The following SERPINB7 variants were observed in gnomAD, a reference collection of about 807,000 sequenced individuals.
The protein encoded by SERPINB7 is serpin B7.
Under a neutral mutation model 37.4 loss-of-function variants are expected in SERPINB7, and 31 were observed. That is an observed-to-expected ratio of 0.83 (90% CI 0.62 to 1.12). The LOEUF is 1.12. Ranked by LOEUF, SERPINB7 falls within the 50% of genes most tolerant of loss-of-function variation. The probability of loss-of-function intolerance (pLI) is 0.00; values close to 1 mark genes in which losing one functional copy is unlikely to be tolerated. For missense variants in SERPINB7, 521 were observed against 455.3 expected, an observed-to-expected ratio of 1.14 and a Z score of -1.31; for synonymous variants, 163 against 166.1, an observed-to-expected ratio of 0.98 and a Z score of 0.14.
chr18:63,776,822 T>C (rs1404878867), intron 1 of SERPINB7, among the ~76,000 whole-genome samples: 1 of 151,942 alleles, frequency 6.6e-6, no homozygotes, highest in Admixed American at 6.6e-5. Context: ...TTAATAATTA[T>C]CAAATTTGCT....
At chr18:63,795,902 C>A (rs1289565469) in intron 4 of SERPINB7, among the ~76,000 whole-genome samples, 1 of 152,094 alleles carries the variant, frequency 6.6e-6, no homozygotes, top group African/African-American at 2.4e-5. Context: ...ATAATGTAGC[C>A]TTGAAAAATT....
At chr18:63,754,472 C>G (rs941808945) in intron 1 of SERPINB7, among the ~76,000 whole-genome samples, 1 of 152,066 alleles carries the variant, frequency 6.6e-6, no homozygotes, top group African/African-American at 2.4e-5. Context: ...AACAGATAAT[C>G]ATAAGAGGCA....
chr18:63,782,530 A>G lies in SERPINB7; in HGVS notation c.158A>G (p.Gln53Arg), dbSNP rs771759857. Residue 53 changes from glutamine to arginine, a missense_variant, in exon 2 of 8, where the codon CAG (glutamine) becomes CGG (arginine). Coordinates refer to ENST00000398019, the MANE Select transcript of SERPINB7 (RefSeq NM_003784.4). ...GGCGCTCAAGATGACTCCCTCTCTC[A>G]GATTGATAAGGTCAGTCTCAGCTTT... ...RLGAQDDSLS[Q>R]IDKLLHVNTA... 1.2e-6 allele frequency: 2 copies of G among 1,611,956 alleles called. No homozygotes were observed. Among genetic ancestry groups the G allele is most frequent in the East Asian group, 4.5e-5 (2 of 44,828 alleles).
chr18:63,803,286 A>T (rs1004208839), intron 7 of SERPINB7, among the ~76,000 whole-genome samples: 3 of 152,142 alleles, frequency 2.0e-5, no homozygotes, highest in Non-Finnish European at 4.4e-5. Context: ...TTACAGATTA[A>T]CCACAAAACT....
At chr18:63,760,849 G>A (rs1036456394) in intron 1 of SERPINB7, among the ~76,000 whole-genome samples, 1 of 152,274 alleles carries the variant, frequency 6.6e-6, no homozygotes, top group Admixed American at 6.5e-5. Flanking sequence ...TTCAGAAGAT[G>A]TATAGAAATT....
At chr18:63,761,113 A>C (rs930856792) in intron 1 of SERPINB7, among the ~76,000 whole-genome samples, 1 of 152,236 alleles carries the variant, frequency 6.6e-6, no homozygotes, top group African/African-American at 2.4e-5. Context: ...GCTGGGAGGC[A>C]GGCTGTATCC....
At chr18:63,798,996 A>G (rs1269330828) in intron 6 of SERPINB7, among the ~76,000 whole-genome samples, 1 of 152,226 alleles carries the variant, frequency 6.6e-6, no homozygotes, top group Non-Finnish European at 1.5e-5. Flanking sequence ...AATTGAAAGA[A>G]GTGGTATGAA....
upstream of SERPINB7, among the ~76,000 whole-genome samples, chr18:63,774,794 G>A (rs996958777): frequency 9.9e-5 from 15 of 152,040 alleles, no homozygotes; most frequent in African/African-American, 3.6e-4. Flanking sequence ...ATTTAGAGAA[G>A]CCAGTTGCAA....
chr18:63,781,846 A>C (rs1459497183), intron 1 of SERPINB7, among the ~76,000 whole-genome samples: 1 of 152,250 alleles, frequency 6.6e-6, no homozygotes, highest in African/African-American at 2.4e-5. Flanking sequence ...ACTTAAAATT[A>C]GGACAGTTTT....
intron 2 of SERPINB7, among the ~76,000 whole-genome samples, chr18:63,783,581 G>A (rs1388219989): frequency 6.6e-6 from 1 of 152,174 alleles, no homozygotes; most frequent in African/African-American, 2.4e-5. Flanking sequence ...GCCACCTTCA[G>A]GGAGTGCTTA....
At chr18:63,796,200 A>C in intron 4 of SERPINB7, 66 bp from the exon 5 acceptor site, 1 of 943,522 alleles carries the variant, frequency 1.1e-6, no homozygotes, top group South Asian at 1.5e-5. Context: ...AAAGTTCAAA[A>C]ATACATTTCT....
At chr18:63,784,653 G>A (rs556864154) in intron 2 of SERPINB7, among the ~76,000 whole-genome samples, 5 of 152,128 alleles carry the variant, frequency 3.3e-5, no homozygotes, top group African/African-American at 1.2e-4. Flanking sequence ...TTAGAAGATT[G>A]GGTCGAAGAT....
At chr18:63,771,443 T>C (rs1287515096), upstream of SERPINB7, among the ~76,000 whole-genome samples, 1 of 152,128 alleles carries the variant, frequency 6.6e-6, no homozygotes, top group African/African-American at 2.4e-5. Context: ...GAATTGTAAA[T>C]GAAATGACCA....
At chr18:63,757,536 G>A (rs949633836) in intron 1 of SERPINB7, among the ~76,000 whole-genome samples, 1 of 152,138 alleles carries the variant, frequency 6.6e-6, no homozygotes, top group Non-Finnish European at 1.5e-5. Context: ...CTGGTCATTG[G>A]TCCAAAACTG....
At position 63,798,670 on chromosome 18, in the gene SERPINB7, C is replaced by CT. The variant is rs672601344; in HGVS notation, c.522dup (p.Val175CysfsTer46). The CT allele has an allele frequency of 5.0e-5, 80 of 1,612,438 alleles. No homozygotes were observed. The East Asian group carries it at 1.7e-3, about 34-fold the overall frequency. ...TCTGCTGTAATGGTGCTGGTGAATG[C>CT]TGTGTACTTCAAAGGCAAGTGGCAA... On this transcript the variant is annotated frameshift_variant, in exon 6 of 8. Transcript: ENST00000398019. LOFTEE classifies it high-confidence loss of function.
chr18:63,764,164 G>A (rs921443352), intron 1 of SERPINB7, among the ~76,000 whole-genome samples: 2 of 152,150 alleles, frequency 1.3e-5, no homozygotes, highest in Non-Finnish European at 2.9e-5. Flanking sequence ...TAACCTGATA[G>A]GCTTGGATGA....
intron 7 of SERPINB7, among the ~76,000 whole-genome samples, chr18:63,802,966 T>C (rs2049566066): frequency 6.6e-6 from 1 of 152,170 alleles, no homozygotes; most frequent in Non-Finnish European, 1.5e-5. Flanking sequence ...ATTAAACCTA[T>C]AATTCACGTG....
chr18:63,802,432 C>T (rs2049559762), intron 7 of SERPINB7, among the ~76,000 whole-genome samples: 2 of 152,094 alleles, frequency 1.3e-5, no homozygotes, highest in South Asian at 4.1e-4. Context: ...ATAATAGGTG[C>T]CATTTATTGA....
intron 7 of SERPINB7, among the ~76,000 whole-genome samples, chr18:63,803,162 T>C (rs2049567826): frequency 6.6e-6 from 1 of 152,138 alleles, no homozygotes; most frequent in Non-Finnish European, 1.5e-5. Flanking sequence ...ATTATAAACC[T>C]ACATACTATA....
Sources: gnomAD v4.1 joint callset for allele counts (sites outside exome capture counted in the v4.1 genomes callset) on GRCh38, gnomAD v4.1.1 for gene constraint, MANE v1.5 for transcripts, NCBI Gene and HGNC (gene_info 2026-07-23, HGNC 2026-07-21) for gene names.